ANK3: variants seen among roughly 807,000 people sequenced by gnomAD.
ANK3 encodes the protein ankyrin 3.
Under a neutral mutation model 370.9 loss-of-function variants are expected in ANK3, and 57 were observed. That is an observed-to-expected ratio of 0.15 (90% confidence interval 0.12 to 0.19). The LOEUF is 0.19. ANK3 is among the 10% of genes least tolerant of loss of function. The probability of loss-of-function intolerance (pLI) is 1.00; values close to 1 mark genes in which losing one functional copy is unlikely to be tolerated. For missense variants in ANK3, 4,439 were observed against 5,302.1 expected (o/e 0.84, Z 5.06); for synonymous variants, 1,929 against 1,946.3 (o/e 0.99, Z 0.23).
At chr10:60,337,328 C>T (rs1000791707) in intron 1 of ANK3, among the ~76,000 whole-genome samples, 1 of 152,136 alleles carries the variant, frequency 6.6e-6, no homozygotes, top group Non-Finnish European at 1.5e-5. Context: ...CTGCCCCCAT[C>T]TTGCTCCATT....
chr10:60,287,305 T>C (rs2040236331), intron 1 of ANK3, among the ~76,000 whole-genome samples: 1 of 152,224 alleles, frequency 6.6e-6, no homozygotes, highest in East Asian at 1.9e-4. Context: ...TAGCTTTCCC[T>C]ACAGCTGAAA....
chr10:60,303,144 C>T (rs1302989969), intron 1 of ANK3, among the ~76,000 whole-genome samples: 2 of 152,148 alleles, frequency 1.3e-5, no homozygotes, highest in Non-Finnish European at 2.9e-5. Context: ...TAACATTGAT[C>T]TGGGCAATGA....
Position 60,681,314 on chromosome 10 carries a change from C to T in ANK3, c.57+51949G>A, listed in dbSNP as rs528560772. Among the ~76,000 whole-genome samples the T allele has an allele frequency of 3.9e-5, 6 of 152,276 alleles. No individual in the cohort carries two copies. In the East Asian group the frequency reaches 1.2e-3, roughly 29 times the overall value. On this transcript the variant is annotated intron_variant, in intron 1 of 43. Transcript: ENST00000373827. ...TTTCCCACTGCCCTCAGGTCCAAGT[C>T]CAAAACCATTAACACGACTAGCAAG...
intron 2 of ANK3, among the ~76,000 whole-genome samples, chr10:60,589,474 C>T (rs2077879829): frequency 6.6e-6 from 1 of 152,092 alleles, no homozygotes; most frequent in Admixed American, 6.6e-5. Flanking sequence ...TTATAATCAA[C>T]TAAGTTACTG....
chr10:60,705,773 T>C (rs1208382938), intron 1 of ANK3, among the ~76,000 whole-genome samples: 1 of 151,672 alleles, frequency 6.6e-6, no homozygotes, highest in Non-Finnish European at 1.5e-5. Context: ...ACCTTGGGTA[T>C]CATTATACAT....
chr10:60,621,180 A>C (rs2078332208), intron 1 of ANK3, among the ~76,000 whole-genome samples: 1 of 152,188 alleles, frequency 6.6e-6, no homozygotes, highest in Non-Finnish European at 1.5e-5. Context: ...ATGCAATGCA[A>C]TGCAATGTGT....
intron 41 of ANK3, among the ~76,000 whole-genome samples, chr10:60,058,718 T>C (rs1240370175): frequency 1.3e-5 from 2 of 152,206 alleles, no homozygotes; most frequent in Non-Finnish European, 2.9e-5. Flanking sequence ...AAAACAGTAA[T>C]GTTTATATTT....
At chr10:60,224,422 G>A (rs1592005038) in intron 8 of ANK3, among the ~76,000 whole-genome samples, 1 of 152,048 alleles carries the variant, frequency 6.6e-6, no homozygotes, top group African/African-American at 2.4e-5. Flanking sequence ...GTTAGCCTAA[G>A]AGCAAATCCT....
At chr10:60,305,965 G>T (rs1214211651) in intron 1 of ANK3, among the ~76,000 whole-genome samples, 1 of 151,538 alleles carries the variant, frequency 6.6e-6, no homozygotes, top group Non-Finnish European at 1.5e-5. Context: ...CCTGCCTCAA[G>T]GAAAGTCAAT....
intron 2 of ANK3, among the ~76,000 whole-genome samples, chr10:60,404,447 T>C (rs531247815): frequency 9.8e-5 from 15 of 152,304 alleles, no homozygotes; most frequent in Non-Finnish European, 1.5e-4. Flanking sequence ...ATCATTGATT[T>C]ATTTTCAACA....
intron 2 of ANK3, among the ~76,000 whole-genome samples, chr10:60,519,503 A>G (rs2076300674): frequency 1.3e-5 from 2 of 152,258 alleles, no homozygotes; most frequent in Admixed American, 6.5e-5. Context: ...CCTTGGACAC[A>G]TTTATCTTGC....
At chr10:60,649,084 G>A (rs1193406393) in intron 1 of ANK3, among the ~76,000 whole-genome samples, 1 of 152,040 alleles carries the variant, frequency 6.6e-6, no homozygotes, top group Non-Finnish European at 1.5e-5. Flanking sequence ...CTAATTTTCT[G>A]TGCAGAACCA....
At chr10:60,718,047 A>G (rs1421131872) in intron 1 of ANK3, among the ~76,000 whole-genome samples, 1 of 152,240 alleles carries the variant, frequency 6.6e-6, no homozygotes, top group African/African-American at 2.4e-5. Context: ...TTTGCCTTAT[A>G]TGGACATTGT....
At position 60,075,881 on chromosome 10, in the gene ANK3, G is replaced by T. The variant is rs754807219; in HGVS notation, c.5000C>A (p.Ala1667Glu). The change falls in exon 37 of 44, where the codon GCA becomes GAA. Residue 1667 changes from alanine to glutamate, a missense_variant. Ala to Glu is a moderately radical substitution (Grantham distance 107). Around this residue, in one of 13 missense-constraint regions of ANK3, gnomAD observed 679 missense variants for 791.0 expected, o/e 0.86. Transcript: ENST00000280772. ...SLPFKSIITS[A>E]APLISSPLKS... ...TAAAGGTGAAGATATTAGCGGTGCTGCTGATGTAATAATTGACTTAAATGG... is the reference window on the plus strand; with the variant it reads ...TAAAGGTGAAGATATTAGCGGTGCTTCTGATGTAATAATTGACTTAAATGG... 1.9e-6 allele frequency: 3 copies of T among 1,614,136 alleles called. No homozygotes were observed. The highest frequency in any genetic ancestry group is 2.2e-5 in the East Asian group (1 of 44,874).
chr10:60,620,178 C>A (rs1049975451), intron 1 of ANK3, among the ~76,000 whole-genome samples: 2 of 152,148 alleles, frequency 1.3e-5, no homozygotes, highest in African/African-American at 4.8e-5. Flanking sequence ...GCATTGGTGA[C>A]TTTCCATATC....
At chr10:60,631,124 A>G (rs1382654240) in intron 1 of ANK3, among the ~76,000 whole-genome samples, 1 of 152,182 alleles carries the variant, frequency 6.6e-6, no homozygotes, top group African/African-American at 2.4e-5. Context: ...AGAGGTGAAC[A>G]GGTTTGGGAT....
chr10:60,416,400 C>T (rs1427614340), intron 2 of ANK3, among the ~76,000 whole-genome samples: 1 of 152,112 alleles, frequency 6.6e-6, no homozygotes, highest in African/African-American at 2.4e-5. Context: ...TCATTAAGCG[C>T]ATGTTAAATG....
intron 2 of ANK3, among the ~76,000 whole-genome samples, chr10:60,416,784 A>G (rs2063677930): frequency 6.6e-6 from 1 of 152,204 alleles, no homozygotes; most frequent in Non-Finnish European, 1.5e-5. Context: ...CATTTTTATC[A>G]CCACTCAGAC....
At chr10:60,351,121 C>T (rs912448535) in intron 1 of ANK3, among the ~76,000 whole-genome samples, 2 of 152,148 alleles carry the variant, frequency 1.3e-5, no homozygotes, top group African/African-American at 4.8e-5. Context: ...CAATTCAGTG[C>T]TTCCAATAGT....
Sources: allele counts gnomAD v4.1 joint callset (sites outside exome capture counted in the v4.1 genomes callset), GRCh38; gene constraint gnomAD v4.1.1; regional missense constraint gnomAD v4.1.1; transcripts MANE v1.5; gene names NCBI Gene and HGNC (gene_info 2026-07-23, HGNC 2026-07-21).